SETBP1: variants seen among roughly 807,000 people sequenced by gnomAD.
The protein encoded by SETBP1 is SET binding protein 1, also known as SET-binding protein.
Under a neutral mutation model 101.0 loss-of-function variants are expected in SETBP1, and 9 were observed. The observed-to-expected ratio is 0.09, with a 90% CI of 0.05 to 0.16. SETBP1 has a LOEUF of 0.16. Ranked by LOEUF, SETBP1 falls within the 10% of genes least tolerant of loss-of-function variation. SETBP1 has a pLI of 1.00. For synonymous variants in SETBP1, 818 were observed against 788.5 expected (o/e 1.04, Z -0.63); for missense variants, 1,858 against 2,033.8 (o/e 0.91, Z 1.66).
chr18:44,684,045 G>A (rs2068798695), intron 1 of SETBP1, among the ~76,000 whole-genome samples: 1 of 152,172 alleles, frequency 6.6e-6, no homozygotes, highest in African/African-American at 2.4e-5. Context: ...CTGCCCTGGA[G>A]GGTTAGCAGC....
chr18:44,960,330 A>G (rs566777108), intron 4 of SETBP1, among the ~76,000 whole-genome samples: 11 of 152,218 alleles, frequency 7.2e-5, no homozygotes, highest in Non-Finnish European at 1.3e-4. Flanking sequence ...TCAAGCGAGC[A>G]GTGGCAAGCC....
intron 1 of SETBP1, among the ~76,000 whole-genome samples, chr18:44,692,865 G>C (rs539390449): frequency 9.9e-5 from 15 of 152,170 alleles, no homozygotes; most frequent in Non-Finnish European, 2.1e-4. Context: ...GTGGGACTTG[G>C]GAGATCTGCA....
chr18:44,700,270 G>T (rs1486898505), intron 1 of SETBP1, among the ~76,000 whole-genome samples: 4 of 152,082 alleles, frequency 2.6e-5, no homozygotes, highest in Non-Finnish European at 5.9e-5. Context: ...TTCTCATCTT[G>T]GAGGAAGGTA....
At chr18:44,982,551 T>C (rs958833059) in intron 4 of SETBP1, among the ~76,000 whole-genome samples, 3 of 152,242 alleles carry the variant, frequency 2.0e-5, no homozygotes, top group African/African-American at 7.2e-5. Context: ...GCATAGCTTT[T>C]TGAGTTTATC....
intron 2 of SETBP1, among the ~76,000 whole-genome samples, chr18:44,709,617 G>C (rs1452034931): frequency 1.3e-5 from 2 of 152,130 alleles, no homozygotes; most frequent in Non-Finnish European, 2.9e-5. Context: ...TCTCATTGCT[G>C]TTTGGCATCT....
chr18:44,935,597 C>G (rs1372505596), intron 3 of SETBP1, among the ~76,000 whole-genome samples: 2 of 152,178 alleles, frequency 1.3e-5, no homozygotes, highest in Non-Finnish European at 2.9e-5. Flanking sequence ...GTTGGCCAAA[C>G]TTGGCTGAAG....
intron 2 of SETBP1, among the ~76,000 whole-genome samples, chr18:44,830,710 C>A (rs567743549): frequency 6.6e-6 from 1 of 152,288 alleles, no homozygotes; most frequent in South Asian, 2.1e-4. Context: ...CAATTTTATT[C>A]TCATCCTCTG....
intron 4 of SETBP1, among the ~76,000 whole-genome samples, chr18:44,974,690 A>G (rs1266615984): frequency 6.6e-6 from 1 of 152,226 alleles, no homozygotes; most frequent in African/African-American, 2.4e-5. Context: ...TATTTAAAAG[A>G]GGAGAAAGGC....
At chr18:44,973,141 G>T (rs145632708) in intron 4 of SETBP1, among the ~76,000 whole-genome samples, 7,292 of 152,180 alleles carry the variant, frequency 0.048, 617 homozygotes, top group African/African-American at 0.16. Context: ...TAATCATCTG[G>T]TTTTTGTCGT....
chr18:45,036,046 A>T (rs1210804149), intron 4 of SETBP1, among the ~76,000 whole-genome samples: 3 of 152,218 alleles, frequency 2.0e-5, no homozygotes, highest in Non-Finnish European at 4.4e-5. Flanking sequence ...AAGAAGGCTA[A>T]GAAGTGGCCA....
intron 3 of SETBP1, among the ~76,000 whole-genome samples, chr18:44,895,328 A>G: frequency 1.5e-5 from 2 of 130,784 alleles, no homozygotes; most frequent in Non-Finnish European, 3.2e-5. Flanking sequence ...GAAGGAAGGA[A>G]GGAAGGAAGG....
intron 4 of SETBP1, among the ~76,000 whole-genome samples, chr18:44,990,927 GA>G (rs996043221): frequency 0.041 from 2,606 of 63,220 alleles, 46 homozygotes; most frequent in African/African-American, 0.12. Context: ...CAGAGAGAGA[GA>G]AAAAAAAAAA....
chr18:44,794,785 G>A (rs2071440032), intron 2 of SETBP1, among the ~76,000 whole-genome samples: 1 of 152,124 alleles, frequency 6.6e-6, no homozygotes, highest in African/African-American at 2.4e-5. Context: ...TATTGGGTAG[G>A]GATGTGACTT....
rs748268960 is a variant in SETBP1 at position 44,701,450 on chromosome 18, G to A, written c.104G>A (p.Gly35Glu). ...AKPPAAPGCA[G>E]EPLLSTPGPG... is the part of the protein sequence containing the mutation. ...CCCCCAGCTGCTCCTGGCTGTGCAG[G>A]AGAACCTTTGCTCTCCACTCCAGGA... The change falls in exon 2 of 6, where the codon GGA becomes GAA. Residue 35 changes from glycine to glutamate, a missense_variant. By Grantham distance (98) the Gly-to-Glu change is moderately conservative. Coordinates refer to ENST00000649279, the MANE Select transcript of SETBP1 (RefSeq NM_015559.3). 6.2e-7 allele frequency: 1 copy of A among 1,612,204 alleles called. No homozygotes were observed. The highest frequency in any genetic ancestry group is 1.1e-5 in the South Asian group (1 of 90,858).
chr18:44,817,069 C>A (rs745491761), intron 2 of SETBP1, among the ~76,000 whole-genome samples: 4 of 152,164 alleles, frequency 2.6e-5, no homozygotes, highest in African/African-American at 9.7e-5. Context: ...CGACAGGAGG[C>A]GGATCTGCAC....
chr18:44,841,163 A>G (rs1433518380), intron 2 of SETBP1, among the ~76,000 whole-genome samples: 1 of 152,212 alleles, frequency 6.6e-6, no homozygotes, highest in Non-Finnish European at 1.5e-5. Context: ...GTTGCAGTCA[A>G]GGAAGATGTT....
intron 3 of SETBP1, among the ~76,000 whole-genome samples, chr18:44,897,176 G>C (rs925031858): frequency 5.9e-5 from 9 of 152,120 alleles, no homozygotes; most frequent in African/African-American, 2.2e-4. Flanking sequence ...AGTTCTGCGG[G>C]GTCCTTTGGG....
chr18:45,063,290 C>T lies in SETBP1; in HGVS notation c.4383C>T (p.Pro1461=), dbSNP rs988057685. ...GGCGCGGGCGTCCCAGGAAGCAGCC[C>T]ACCCAGTTCGATGAGGACTCCAGAG... ...KKRRGRPRKQ[P]TQFDEDSRDQ... Residue 1461 remains proline, a synonymous_variant, in exon 6 of 6, where the codon CCC becomes CCT. Transcript: ENST00000649279. The T allele has an allele frequency of 2.5e-6, 4 of 1,608,748 alleles. No individual in the cohort carries two copies. Among genetic ancestry groups the T allele is most frequent in the South Asian group, 2.2e-5 (2 of 90,304 alleles).
chr18:44,986,513 G>A (rs2072237234), intron 4 of SETBP1: 1 of 151,978 alleles, frequency 6.6e-6, no homozygotes, highest in African/African-American at 2.4e-5. Flanking sequence ...ATAAGGTTAA[G>A]TTGTTTTTAA....
Sources: gnomAD v4.1 joint callset for allele counts (sites outside exome capture counted in the v4.1 genomes callset) on GRCh38, gnomAD v4.1.1 for gene constraint, MANE v1.5 for transcripts, NCBI Gene and HGNC (gene_info 2026-07-23, HGNC 2026-07-21) for gene names.